BBX: variants seen among roughly 807,000 people sequenced by gnomAD.
BBX encodes HMG box transcription factor BBX.
Under a neutral mutation model 100.2 loss-of-function variants are expected in BBX, and 30 were observed. That is an observed-to-expected ratio of 0.30 (90% CI 0.22 to 0.41). The LOEUF (loss-of-function observed/expected upper bound fraction) is 0.41. BBX is among the 10% of genes least tolerant of loss of function. The probability of loss-of-function intolerance (pLI) is 1.00; values close to 1 mark genes in which losing one functional copy is unlikely to be tolerated. For missense variants in BBX, 1,023 were observed against 1,129.8 expected (o/e 0.91, Z 1.35); for synonymous variants, 376 against 388.1 (o/e 0.97, Z 0.37).
chr3:107,535,728 G>T (rs1250939123), intron 2 of BBX, among the ~76,000 whole-genome samples: 1 of 152,024 alleles, frequency 6.6e-6, no homozygotes, highest in Non-Finnish European at 1.5e-5. Context: ...AAGTAGCTGG[G>T]ATTACAGGTG....
intron 2 of BBX, among the ~76,000 whole-genome samples, chr3:107,574,731 A>G (rs925662402): frequency 1.2e-4 from 18 of 152,350 alleles, no homozygotes; most frequent in African/African-American, 3.8e-4. Flanking sequence ...TATGAATGAG[A>G]TGCAACTGAA....
intron 16 of BBX, among the ~76,000 whole-genome samples, chr3:107,800,668 A>G (rs552347742): frequency 2.0e-5 from 3 of 152,346 alleles, no homozygotes; most frequent in South Asian, 4.1e-4. Flanking sequence ...AGCATACCCA[A>G]TGTCCAAGTT....
intron 3 of BBX, among the ~76,000 whole-genome samples, chr3:107,687,337 T>TC (rs1358712549): frequency 3.0e-5 from 4 of 132,456 alleles, no homozygotes; most frequent in Non-Finnish European, 5.9e-5. Context: ...TAAGTTTCTT[T>TC]TTTTTTTTTT....
chr3:107,565,707 A>G (rs1337749722), intron 2 of BBX, among the ~76,000 whole-genome samples: 4 of 150,026 alleles, frequency 2.7e-5, no homozygotes, highest in Admixed American at 1.3e-4. Flanking sequence ...TGCCCTCGTG[A>G]TCCACTGGGA....
intron 7 of BBX, among the ~76,000 whole-genome samples, chr3:107,738,845 AC>A (rs1021878423): frequency 2.0e-5 from 3 of 152,062 alleles, no homozygotes; most frequent in Non-Finnish European, 4.4e-5. Context: ...TCTCTCAAGA[AC>A]CCTCTGAGGC....
chr3:107,578,502 T>C (rs1419768922), intron 2 of BBX, among the ~76,000 whole-genome samples: 2 of 152,188 alleles, frequency 1.3e-5, no homozygotes, highest in African/African-American at 4.8e-5. Flanking sequence ...GTATGAAAAA[T>C]ATCACATACT....
chr3:107,592,500 C>T (rs984052728), intron 2 of BBX, among the ~76,000 whole-genome samples: 4 of 150,898 alleles, frequency 2.7e-5, no homozygotes, highest in African/African-American at 9.8e-5. Flanking sequence ...CAATCTTAAA[C>T]GTCTATTGGA....
intron 7 of BBX, among the ~76,000 whole-genome samples, chr3:107,741,513 T>A (rs976301790): frequency 1.3e-5 from 2 of 152,164 alleles, no homozygotes; most frequent in African/African-American, 4.8e-5. Context: ...ATCGATTATT[T>A]CAGAGACTAT....
At chr3:107,744,240 A>C (rs1402452729) in intron 7 of BBX, among the ~76,000 whole-genome samples, 1 of 152,102 alleles carries the variant, frequency 6.6e-6, no homozygotes, top group East Asian at 1.9e-4. Flanking sequence ...ATAAATAAAT[A>C]TTTACATCTT....
At chr3:107,655,053 C>G (rs1018622473) in intron 3 of BBX, among the ~76,000 whole-genome samples, 3 of 152,202 alleles carry the variant, frequency 2.0e-5, no homozygotes, top group African/African-American at 7.2e-5. Context: ...CGGCTTCAAA[C>G]TGTACATTTT....
intron 2 of BBX, among the ~76,000 whole-genome samples, chr3:107,591,385 G>GT (rs1337815554): frequency 6.6e-6 from 1 of 152,138 alleles, no homozygotes; most frequent in African/African-American, 2.4e-5. Context: ...GGGGAGGAGT[G>GT]TAAGTCCATT....
At chr3:107,755,828 T>A in intron 10 of BBX, 150 bp downstream of exon 10, 1 of 725,162 alleles carries the variant, frequency 1.4e-6, no homozygotes, top group Non-Finnish European at 2.2e-6. Context: ...AACCTTTAAT[T>A]TGGGAAAACT....
chr3:107,805,114 G>A (rs2070952927), intron 17 of BBX, among the ~76,000 whole-genome samples: 1 of 152,058 alleles, frequency 6.6e-6, no homozygotes, highest in Non-Finnish European at 1.5e-5. Flanking sequence ...AGGGTATGCT[G>A]TTGAGTTGTA....
At chr3:107,698,541 A>C (rs1335476451) in intron 3 of BBX, among the ~76,000 whole-genome samples, 1 of 151,332 alleles carries the variant, frequency 6.6e-6, no homozygotes, top group Admixed American at 6.6e-5. Context: ...AGTCCCAGAA[A>C]CTTAGGAGGC....
At chr3:107,723,231 A>C (rs1162543065) in intron 5 of BBX, among the ~76,000 whole-genome samples, 1 of 151,990 alleles carries the variant, frequency 6.6e-6, no homozygotes, top group Non-Finnish European at 1.5e-5. Flanking sequence ...GACTGTAATA[A>C]TAACTGGAAA....
chr3:107,621,868 T>A (rs977323598), intron 2 of BBX, among the ~76,000 whole-genome samples: 2 of 152,166 alleles, frequency 1.3e-5, no homozygotes, highest in Non-Finnish European at 2.9e-5. Flanking sequence ...CTTTAAATAC[T>A]CTTATTCATA....
At chr3:107,577,006 G>A (rs865976130) in intron 2 of BBX, among the ~76,000 whole-genome samples, 6 of 151,946 alleles carry the variant, frequency 3.9e-5, no homozygotes, top group African/African-American at 7.3e-5. Flanking sequence ...GACTACAGGC[G>A]TGTGCCACCA....
At chr3:107,550,957 A>G (rs1464345589) in intron 2 of BBX, among the ~76,000 whole-genome samples, 1 of 152,216 alleles carries the variant, frequency 6.6e-6, no homozygotes, top group Non-Finnish European at 1.5e-5. Context: ...TCCTTTTGCT[A>G]TAGGAACTCT....
intron 3 of BBX, among the ~76,000 whole-genome samples, chr3:107,678,827 T>C (rs554302571): frequency 4.6e-5 from 7 of 152,198 alleles, no homozygotes; most frequent in African/African-American, 1.7e-4. Context: ...AATCTTCATT[T>C]GCACTTACTG....
Sources: allele counts gnomAD v4.1 joint callset (sites outside exome capture counted in the v4.1 genomes callset), GRCh38; gene constraint gnomAD v4.1.1; transcripts MANE v1.5; gene names NCBI Gene and HGNC (gene_info 2026-07-23, HGNC 2026-07-21).